Variants in B4GALT5 observed in about 807,000 individuals in gnomAD.
The protein encoded by B4GALT5 is UDP-Gal:beta-GlcNAc beta-1,4-galactosyltransferase 5.
B4GALT5 carries 11 observed loss-of-function variants against 45.0 expected under a neutral mutation model. The observed-to-expected ratio is 0.24, with a 90% CI of 0.15 to 0.40. The LOEUF is 0.40. Ranked by LOEUF, B4GALT5 falls within the 10% of genes least tolerant of loss-of-function variation. B4GALT5 has a pLI of 1.00. For synonymous variants in B4GALT5, 185 were observed against 182.9 expected (o/e 1.01, Z -0.09); for missense variants, 337 against 500.2 (o/e 0.67, Z 3.11).
At chr20:49,702,049 T>A (rs781772248) in intron 1 of B4GALT5, among the ~76,000 whole-genome samples, 6 of 152,082 alleles carry the variant, frequency 3.9e-5, no homozygotes, top group Non-Finnish European at 8.8e-5. Context: ...TGGGTGACAG[T>A]AAGATTCCAC....
intron 1 of B4GALT5, among the ~76,000 whole-genome samples, chr20:49,691,054 T>C (rs905651154): frequency 6.6e-6 from 1 of 152,298 alleles, no homozygotes; most frequent in Admixed American, 6.5e-5. Flanking sequence ...ATTTAAGAGA[T>C]AGCAGATAAG....
At chr20:49,644,633 G>C (rs1200065803) in intron 3 of B4GALT5, among the ~76,000 whole-genome samples, 1 of 152,090 alleles carries the variant, frequency 6.6e-6, no homozygotes, top group Non-Finnish European at 1.5e-5. Flanking sequence ...GCCTGTCAAC[G>C]CCTATTTCTG....
chr20:49,663,530 G>A (rs1489355889), intron 1 of B4GALT5, among the ~76,000 whole-genome samples: 1 of 150,462 alleles, frequency 6.6e-6, no homozygotes, highest in African/African-American at 2.4e-5. Context: ...TTATATTTTG[G>A]ACATTTACGT....
At chr20:49,676,271 A>C (rs1236400854) in intron 1 of B4GALT5, among the ~76,000 whole-genome samples, 1 of 152,182 alleles carries the variant, frequency 6.6e-6, no homozygotes, top group Non-Finnish European at 1.5e-5. Context: ...CTGAAAATAA[A>C]AGTGATCAGG....
intron 1 of B4GALT5, among the ~76,000 whole-genome samples, chr20:49,708,289 T>C (rs1308861274): frequency 2.6e-5 from 4 of 152,094 alleles, no homozygotes; most frequent in African/African-American, 9.7e-5. Flanking sequence ...TTAGGACCAA[T>C]GTTTATGTAG....
chr20:49,713,645 G>C lies in B4GALT5; in HGVS notation c.46C>G (p.Leu16Val). The change falls in exon 1 of 9, where the codon CTC (leucine) becomes GTC (valine). Residue 16 changes from leucine (L) to valine (V), a missense_variant. Physicochemically the swap from Leu to Val is conservative, Grantham distance 32 (BLOSUM62 1). Coordinates refer to ENST00000371711, the MANE Select transcript of B4GALT5 (RefSeq NM_004776.4). ...GLLRLPRRSL[L>V]AALFFFSLSS... is the part of the protein sequence containing the mutation. ...AGAGAAAAGAAGAAGAGCGCGGCGA[G>C]CAGCGAGCGGCGCGGCAGCCGCAGC... 6.4e-7 allele frequency: 1 copy of C among 1,573,894 alleles called. No homozygotes were observed. The highest frequency in any genetic ancestry group is 8.6e-7 in the Non-Finnish European group (1 of 1,162,884).
chr20:49,666,937 A>G (rs2085693200), intron 1 of B4GALT5, among the ~76,000 whole-genome samples: 1 of 152,202 alleles, frequency 6.6e-6, no homozygotes, highest in Admixed American at 6.5e-5. Context: ...CTAATAATGC[A>G]TTTATTGAGT....
At chr20:49,679,556 G>GTCCCAGCTAC (rs1360320360) in intron 1 of B4GALT5, among the ~76,000 whole-genome samples, 1 of 151,456 alleles carries the variant, frequency 6.6e-6, no homozygotes, top group Non-Finnish European at 1.5e-5. Context: ...TGCACCTGTA[G>GTCCCAGCTAC]TCCCAGCTAC....
At chr20:49,658,227 A>T (rs2085651209) in intron 1 of B4GALT5, among the ~76,000 whole-genome samples, 1 of 152,196 alleles carries the variant, frequency 6.6e-6, no homozygotes, top group South Asian at 2.1e-4. Context: ...ATTAAAAAAA[A>T]GTATAACTGT....
intron 1 of B4GALT5, among the ~76,000 whole-genome samples, chr20:49,680,037 C>T (rs1211578907): frequency 1.3e-5 from 2 of 152,152 alleles, no homozygotes; most frequent in East Asian, 3.8e-4. Context: ...TGATTGCTAC[C>T]TTTAAACTGT....
At chr20:49,671,813 T>C (rs139853808) in intron 1 of B4GALT5, among the ~76,000 whole-genome samples, 43 of 152,112 alleles carry the variant, frequency 2.8e-4, no homozygotes, top group African/African-American at 1.0e-3. Context: ...GAGCACCCTT[T>C]AGGAATGCTG....
intron 1 of B4GALT5, among the ~76,000 whole-genome samples, chr20:49,710,707 C>T (rs1268187383): frequency 1.3e-5 from 2 of 151,968 alleles, no homozygotes; most frequent in South Asian, 2.1e-4. Context: ...TGTGAGCCAC[C>T]ACACCCAGCC....
intron 1 of B4GALT5, among the ~76,000 whole-genome samples, chr20:49,705,338 T>C (rs2085879498): frequency 6.6e-6 from 1 of 152,202 alleles, no homozygotes; most frequent in Non-Finnish European, 1.5e-5. Flanking sequence ...AAAATGGTCT[T>C]AACATCCCAA....
rs527918860 is a variant in B4GALT5, at chr20:49,667,984, T to C, written c.116-11282A>G. ...TTGGCAGCAAAATTTACACCCATTG[T>C]CTTATCTATTTAAATATTTTGGAGC... On this transcript the variant is annotated intron_variant, in intron 1 of 8. Transcript: ENST00000371711. Among the ~76,000 whole-genome samples the C allele has an allele frequency of 3.9e-5, 6 of 152,334 alleles. No individual in the cohort carries two copies. In the South Asian group the frequency reaches 1.2e-3, roughly 32 times the overall value.
intron 1 of B4GALT5, among the ~76,000 whole-genome samples, chr20:49,685,347 T>C (rs2085780872): frequency 6.6e-6 from 1 of 152,210 alleles, no homozygotes; most frequent in African/African-American, 2.4e-5. Context: ...CCCAGGGGCT[T>C]CAAAAATTAC....
chr20:49,640,860 C>T (rs777844077), intron 5 of B4GALT5, among the ~76,000 whole-genome samples, 195 bp from the exon 6 acceptor site: 3 of 151,986 alleles, frequency 2.0e-5, no homozygotes, highest in South Asian at 2.1e-4. Flanking sequence ...CAGTGGCTCA[C>T]GCCTGTAATC....
chr20:49,699,054 A>G (rs2085850873), intron 1 of B4GALT5, among the ~76,000 whole-genome samples: 1 of 152,202 alleles, frequency 6.6e-6, no homozygotes, highest in African/African-American at 2.4e-5. Flanking sequence ...TTTACTATAA[A>G]TTTGAAACCA....
rs1432274436 is a variant in B4GALT5, at chr20:49,695,876, A to G, written c.115+17700T>C. Among the ~76,000 whole-genome samples, 8 of 152,230 alleles carry G rather than the reference A, an allele frequency of 5.3e-5. 1 individual carries two copies. The highest frequency in any genetic ancestry group is 1.9e-4 in the African/African-American group (8 of 41,464). On this transcript the variant is annotated intron_variant, in intron 1 of 8. Coordinates refer to ENST00000371711, the MANE Select transcript of B4GALT5 (RefSeq NM_004776.4). The stretch of plus-strand genomic sequence containing the variant: ...AAAACAACACATTGAGTTTCAATCT[A>G]ATCATTTCCAACAACTCAGAAGCAA...
Position 49,633,613 on chromosome 20 carries a change from A to G in B4GALT5, c.*2699T>C, listed in dbSNP as rs1426484011. ...ACAGACATGACCGCAAAGGTATCAA[A>G]GTGACCCCACTTTAAGCAGTGAAAA... is the stretch of plus-strand genomic sequence containing the variant. On this transcript the variant is annotated 3_prime_UTR_variant, in exon 9 of 9. Transcript: ENST00000371711. 6.6e-6 allele frequency: 1 copy of G among 152,176 alleles called. No homozygotes were observed. Among genetic ancestry groups the G allele is most frequent in the Non-Finnish European group, 1.5e-5 (1 of 68,018 alleles). 9.4% of individuals were successfully genotyped at this position (152,176 alleles called of 1,614,324 possible). A position where few individuals can be genotyped will look rare whatever the true frequency, so the allele number is the denominator to read the frequency against.
Sources: allele counts gnomAD v4.1 joint callset (sites outside exome capture counted in the v4.1 genomes callset), GRCh38; gene constraint gnomAD v4.1.1; transcripts MANE v1.5; gene names NCBI Gene and HGNC (gene_info 2026-07-23, HGNC 2026-07-21).